The following AK2 variants were observed in gnomAD, a reference collection of about 807,000 sequenced individuals.
AK2 encodes the protein adenylate kinase 2, mitochondrial.
Under a neutral mutation model 24.6 loss-of-function variants are expected in AK2, and 15 were observed. The ratio of observed to expected loss-of-function variants is 0.61; its 90% confidence interval spans 0.41 to 0.94. AK2 has a LOEUF of 0.94. Among genes scored for constraint, AK2 ranks in the 40% least tolerant of loss-of-function variants. The pLI is 0.00. For synonymous variants in AK2, 102 were observed against 114.0 expected, an observed-to-expected ratio of 0.90 and a Z score of 0.67; for missense variants, 257 against 304.1, an observed-to-expected ratio of 0.85 and a Z score of 1.15.
At chr1:33,032,194 T>TGCA (rs1640279415) in intron 1 of AK2, 1 of 161,788 alleles carries the variant, frequency 6.2e-6, no homozygotes, top group African/African-American at 2.4e-5. Flanking sequence ...AAGCAGGCAA[T>TGCA]GCAACTGTAT....
At chr1:33,025,104 GA>G (rs1235568706) in intron 1 of AK2, among the ~76,000 whole-genome samples, 2 of 144,224 alleles carry the variant, frequency 1.4e-5, no homozygotes, top group Non-Finnish European at 3.0e-5. Flanking sequence ...AGAATTATTT[GA>G]ATCTGGTAGG....
intron 4 of AK2, chr1:33,020,115 T>C: frequency 6.5e-7 from 1 of 1,535,268 alleles, no homozygotes. Context: ...AGTGTTGGTC[T>C]GTCAGAACAA....
chr1:33,013,044 T>C lies in AK2; in HGVS notation c.*137A>G. ...ATGAGAGTAGCACACACGCCAAAGA[T>C]ACATCAAGCAAGTGCTTTTTTAATC... is the stretch of plus-strand genomic sequence containing the variant. On this transcript the variant is annotated 3_prime_UTR_variant, in exon 6 of 6. Transcript: ENST00000672715. 3.1e-6 allele frequency: 5 copies of C among 1,599,966 alleles called. No homozygotes were observed. The highest frequency in any genetic ancestry group is 4.2e-6 in the Non-Finnish European group (5 of 1,179,076).
In AK2 at chr1:33,012,998, ACAC is replaced by A. The variant is rs765529536; in HGVS notation, c.*180_*182del. 73 of 1,591,522 alleles carry A rather than the reference ACAC, an allele frequency of 4.6e-5. No homozygotes were observed. The highest frequency in any genetic ancestry group is 1.9e-4 in the South Asian group (17 of 90,084). ...CATATGTGCATGCACACACACACAC[ACAC>A]AACACACATACACACAGATGAGAGT... On this transcript the variant is annotated 3_prime_UTR_variant, in exon 6 of 6. Transcript: ENST00000672715.
chr1:33,019,146 T>C (rs1299964125), intron 4 of AK2, among the ~76,000 whole-genome samples: 1 of 152,202 alleles, frequency 6.6e-6, no homozygotes, highest in Non-Finnish European at 1.5e-5. Flanking sequence ...GTTATCTCTA[T>C]CCTAGGCAGC....
chr1:33,028,571 G>C (rs183443099), intron 1 of AK2, among the ~76,000 whole-genome samples: 1 of 151,860 alleles, frequency 6.6e-6, no homozygotes, highest in Non-Finnish European at 1.5e-5. Flanking sequence ...TTTTAAGCAA[G>C]CTTCCCGGCC....
intron 1 of AK2, among the ~76,000 whole-genome samples, chr1:33,026,902 G>C (rs1489086103): frequency 6.6e-6 from 1 of 151,972 alleles, no homozygotes; most frequent in East Asian, 1.9e-4. Context: ...GAGGCGGGTG[G>C]ATCACCGGAA....
chr1:33,016,444 C>A (rs934597520), intron 4 of AK2, among the ~76,000 whole-genome samples: 13 of 151,968 alleles, frequency 8.6e-5, no homozygotes, highest in African/African-American at 3.1e-4. Flanking sequence ...ATCTCCTGAC[C>A]TCGTGATCCA....
chr1:33,034,950 G>A (rs769875046), intron 1 of AK2, among the ~76,000 whole-genome samples: 6 of 151,996 alleles, frequency 3.9e-5, no homozygotes, highest in African/African-American at 1.5e-4. Context: ...TACCTGGGAG[G>A]GTGAGGTGGG....
chr1:33,032,354 C>T (rs2124383357), intron 1 of AK2: 1 of 152,354 alleles, frequency 6.6e-6, no homozygotes, highest in Middle Eastern at 3.4e-3. Context: ...CTTCTGGTTT[C>T]TCAAGAGAAA....
At chr1:33,034,530 T>C (rs1325182742) in intron 1 of AK2, among the ~76,000 whole-genome samples, 1 of 151,904 alleles carries the variant, frequency 6.6e-6, no homozygotes, top group Non-Finnish European at 1.5e-5. Flanking sequence ...GTTTAGTTGA[T>C]GAGGGCAAGA....
At chr1:33,027,972 G>A (rs1640005214) in intron 1 of AK2, among the ~76,000 whole-genome samples, 1 of 152,090 alleles carries the variant, frequency 6.6e-6, no homozygotes, top group African/African-American at 2.4e-5. Flanking sequence ...TGGGGATAAT[G>A]ACTACTTCAC....
At chr1:33,021,799 C>A in intron 2 of AK2, 96 bp from the exon 3 acceptor site, 2 of 927,658 alleles carry the variant, frequency 2.2e-6, no homozygotes, top group Non-Finnish European at 1.8e-6. Flanking sequence ...TGTATATAAC[C>A]TTATTACTAA....
Position 33,024,734 on chromosome 1 carries a change from A to G in AK2, c.94-167T>C, listed in dbSNP as rs112825493. Among the ~76,000 whole-genome samples the G allele has an allele frequency of 0.033, 4,982 of 152,312 alleles. 183 individuals carry two copies. Among genetic ancestry groups the G allele is most frequent in the African/African-American group, 0.093 (3,857 of 41,532 alleles). On this transcript the variant is annotated intron_variant, in intron 1 of 5. Transcript: ENST00000672715. Reference sequence around the variant, plus strand: ...AAAGTACCTTATATTACATTCTAACATATACTGATTATAGGGTTATGGTAA... The same window carrying G: ...AAAGTACCTTATATTACATTCTAACGTATACTGATTATAGGGTTATGGTAA...
rs1186743924 is a variant in AK2, at chr1:33,009,781, T to C, written c.*3400A>G. ...TGAAGGTCAAGAGGTTGCAGGCTTA[T>C]CTCATATGCACATACTTGGACCTCC... On this transcript the variant is annotated 3_prime_UTR_variant, in exon 6 of 6. Coordinates refer to ENST00000672715, the MANE Select transcript of AK2 (RefSeq NM_001625.4). 1 of 454,248 alleles carries C rather than the reference T, an allele frequency of 2.2e-6. No individual in the cohort carries two copies. Among genetic ancestry groups the C allele is most frequent in the African/African-American group, 2.0e-5 (1 of 49,960 alleles). 28.1% of individuals were successfully genotyped at this position (454,248 alleles called of 1,614,324 possible). A position where few individuals can be genotyped will look rare whatever the true frequency, so the allele number is the denominator to read the frequency against.
chr1:33,013,009 A>G lies in AK2; in HGVS notation c.*172T>C, dbSNP rs758513291. On this transcript the variant is annotated 3_prime_UTR_variant, in exon 6 of 6. Transcript: ENST00000672715. ...GCACACACACACACACACAACACAC[A>G]TACACACAGATGAGAGTAGCACACA... 1 of 1,594,800 alleles carries G rather than the reference A, an allele frequency of 6.3e-7. No homozygotes were observed. The highest frequency in any genetic ancestry group is 1.7e-5 in the Admixed American group (1 of 59,832).
chr1:33,023,401 TACAACAACA>T lies in AK2; in HGVS notation c.219+1032_219+1040del, dbSNP rs71909186. 3.7e-3 allele frequency among the ~76,000 whole-genome samples: 548 copies of T among 149,838 alleles called. 20 individuals carry two copies. The East Asian group carries it at 0.091, about 25-fold the overall frequency. ...GGGCAACACAGTGAGACTCCATCTC[TACAACAACA>T]ACAACAACAACAACAACAACAACAA... On this transcript the variant is annotated intron_variant, in intron 2 of 5. Coordinates refer to ENST00000672715, the MANE Select transcript of AK2 (RefSeq NM_001625.4).
chr1:33,019,274 C>T (rs544655972), intron 4 of AK2, among the ~76,000 whole-genome samples: 1 of 152,296 alleles, frequency 6.6e-6, no homozygotes, highest in South Asian at 2.1e-4. Context: ...ATCCTAGAGC[C>T]TCTCGTGGTC....
At chr1:33,021,532 G>T in intron 3 of AK2, 61 bp downstream of exon 3, 1 of 1,605,716 alleles carries the variant, frequency 6.2e-7, no homozygotes, top group Non-Finnish European at 8.5e-7. Flanking sequence ...AAGGAATTAA[G>T]AAAGACAAAG....
Sources: gnomAD v4.1 joint callset for allele counts (sites outside exome capture counted in the v4.1 genomes callset) on GRCh38, gnomAD v4.1.1 for gene constraint, MANE v1.5 for transcripts, NCBI Gene and HGNC (gene_info 2026-07-23, HGNC 2026-07-21) for gene names.